Variants in SLC6A6 observed in about 807,000 individuals in gnomAD.
SLC6A6 encodes sodium- and chloride-dependent taurine transporter.
Under a neutral mutation model 68.8 loss-of-function variants are expected in SLC6A6, and 16 were observed. The observed-to-expected ratio is 0.23, with a 90% confidence interval of 0.16 to 0.35. The LOEUF is 0.35. Ranked by LOEUF, SLC6A6 falls within the 10% of genes least tolerant of loss-of-function variation. The pLI is 1.00. For missense variants in SLC6A6, 474 were observed against 802.8 expected, an observed-to-expected ratio of 0.59 and a Z score of 4.95; for synonymous variants, 312 against 315.4, an observed-to-expected ratio of 0.99 and a Z score of 0.12.
chr3:14,426,971 C>G lies in SLC6A6; in HGVS notation c.-12+10518C>G, dbSNP rs1027034432. On this transcript the variant is annotated intron_variant, in intron 2 of 14. Coordinates refer to ENST00000622186, the MANE Select transcript of SLC6A6 (RefSeq NM_003043.6). ...AAGGAACCCCTCTCTGGCTTTAGTT[C>G]TGCTGCAGAGCGTTCTTATGTGGTG... Among the ~76,000 whole-genome samples the G allele has an allele frequency of 3.3e-5, 5 of 152,156 alleles. 1 individual carries two copies. Among genetic ancestry groups the G allele is most frequent in the Non-Finnish European group, 5.9e-5 (4 of 68,020 alleles).
At chr3:14,403,085 TG>T (rs1699024406) in intron 1 of SLC6A6, among the ~76,000 whole-genome samples, 11 of 23,778 alleles carry the variant, frequency 4.6e-4, no homozygotes, top group Admixed American at 1.1e-3. Context: ...AGAGTGTGTG[TG>T]TGTGTGTGTG....
In SLC6A6 at chr3:14,468,674, G is replaced by A. The variant is rs755608136; in HGVS notation, c.1096+462G>A. Among the ~76,000 whole-genome samples, 17 of 152,292 alleles carry A rather than the reference G, an allele frequency of 1.1e-4. No individual in the cohort carries two copies. The highest frequency in any genetic ancestry group is 6.2e-4 in the South Asian group (3 of 4,828). On this transcript the variant is annotated intron_variant, in intron 9 of 14. Transcript: ENST00000622186. This position sits in a 1 kb window ranked among gnomAD's most constrained non-coding sequence, Gnocchi z 4.5. Reference sequence around the variant, plus strand: ...CATTCATCCATCCCACCGATTTCTCGTGAATGAGTCCCAACTCTGTGTCAG... The same window carrying A: ...CATTCATCCATCCCACCGATTTCTCATGAATGAGTCCCAACTCTGTGTCAG...
intron 11 of SLC6A6, 111 bp from the exon 12 acceptor site, chr3:14,478,355 C>T: frequency 4.3e-6 from 3 of 699,004 alleles, no homozygotes; most frequent in African/African-American, 1.8e-5. Flanking sequence ...AGTCTTTGTC[C>T]ATTTTTCTCT....
intron 5 of SLC6A6, among the ~76,000 whole-genome samples, chr3:14,448,533 GCA>G (rs975758135): frequency 6.6e-6 from 1 of 152,178 alleles, no homozygotes; most frequent in African/African-American, 2.4e-5. Context: ...CACTAAGCAA[GCA>G]CTCTAGGAAC....
chr3:14,473,845 G>GGTT (rs1172289797), intron 10 of SLC6A6, among the ~76,000 whole-genome samples: 1 of 152,184 alleles, frequency 6.6e-6, no homozygotes, highest in Non-Finnish European at 1.5e-5. Context: ...CAAAAACAGA[G>GGTT]GTTAATAAAT....
chr3:14,442,909 A>G (rs980151533), intron 2 of SLC6A6, among the ~76,000 whole-genome samples: 6 of 152,224 alleles, frequency 3.9e-5, no homozygotes, highest in African/African-American at 1.4e-4. Flanking sequence ...GAACAAGCAC[A>G]CTTGCATAAT....
At chr3:14,412,132 G>A (rs183332383) in intron 1 of SLC6A6, among the ~76,000 whole-genome samples, 277 of 152,298 alleles carry the variant, frequency 1.8e-3, no homozygotes, top group Non-Finnish European at 2.5e-3. Context: ...GTGGAAGCGC[G>A]TGCCACCACA....
chr3:14,408,445 C>A (rs1699159173), intron 1 of SLC6A6, among the ~76,000 whole-genome samples: 1 of 151,946 alleles, frequency 6.6e-6, no homozygotes, highest in Admixed American at 6.6e-5. Context: ...AGCGATTCTC[C>A]TGCCTCAGCC....
intron 1 of SLC6A6, among the ~76,000 whole-genome samples, chr3:14,407,373 C>T (rs1184190817): frequency 1.3e-5 from 2 of 152,136 alleles, no homozygotes; most frequent in Non-Finnish European, 2.9e-5. Context: ...GATTCTGTTA[C>T]GGTTTGATGA....
At position 14,407,211 on chromosome 3, in the gene SLC6A6, G is replaced by C. The variant is rs913095479; in HGVS notation, c.-54+4364G>C. On this transcript the variant is annotated intron_variant, in intron 1 of 14. Transcript: ENST00000622186. ...ACTACAGGCATGCACCACCACTCCA[G>C]GCTAATTTTTGTATTTTTTGTACGG... Among the ~76,000 whole-genome samples the C allele has an allele frequency of 1.1e-4, 16 of 151,916 alleles. 2 individuals are homozygous for C. The highest frequency in any genetic ancestry group is 7.9e-4 in the Admixed American group (12 of 15,246).
intron 2 of SLC6A6, among the ~76,000 whole-genome samples, chr3:14,428,075 G>A (rs1320955159): frequency 6.6e-6 from 1 of 152,164 alleles, no homozygotes. Context: ...CAGATCCCCA[G>A]GGACCCACCA....
chr3:14,445,015 G>A (rs923859632), intron 3 of SLC6A6: 8 of 365,684 alleles, frequency 2.2e-5, no homozygotes, highest in African/African-American at 4.3e-5. Flanking sequence ...GGGGAGGGTA[G>A]GTGAAGGCCC....
At chr3:14,436,974 C>T (rs1670897131) in intron 2 of SLC6A6, among the ~76,000 whole-genome samples, 1 of 152,162 alleles carries the variant, frequency 6.6e-6, no homozygotes, top group African/African-American at 2.4e-5. Context: ...TCATTTGATC[C>T]ATAGCAGCTA....
intron 2 of SLC6A6, among the ~76,000 whole-genome samples, chr3:14,437,994 A>ATTTTTTTTTT (rs34038422): frequency 8.5e-5 from 10 of 118,310 alleles, no homozygotes; most frequent in East Asian, 2.3e-4. Flanking sequence ...CATCTGGCTA[A>ATTTTTTTTTT]TTTTTTTTTT....
intron 1 of SLC6A6, among the ~76,000 whole-genome samples, chr3:14,411,893 A>G (rs1699259658): frequency 6.6e-6 from 1 of 152,220 alleles, no homozygotes; most frequent in Non-Finnish European, 1.5e-5. Flanking sequence ...TGGCAGGGCT[A>G]TGGACGTCAG....
intron 10 of SLC6A6, among the ~76,000 whole-genome samples, chr3:14,476,786 T>A (rs1700888059): frequency 6.6e-6 from 1 of 152,152 alleles, no homozygotes; most frequent in Non-Finnish European, 1.5e-5. Flanking sequence ...AGGATGGAGA[T>A]CAGTGAGGGA....
At chr3:14,475,551 C>T (rs1305618287) in intron 10 of SLC6A6, among the ~76,000 whole-genome samples, 3 of 152,196 alleles carry the variant, frequency 2.0e-5, no homozygotes, top group Non-Finnish European at 4.4e-5. Flanking sequence ...AAGCCAATCA[C>T]ACAGCTGTTA....
At position 14,472,150 on chromosome 3, in the gene SLC6A6, C is replaced by A; in HGVS notation, c.1097-55C>A. The stretch of plus-strand genomic sequence containing the variant: ...TGTGTGAGCCCAGGGTTCCCAGTGG[C>A]TTGGTGGCTGATGTCTCCTCCCCTG... On this transcript the variant is annotated intron_variant, in intron 9 of 14. Transcript: ENST00000622186. The surrounding 1 kb of genome is among the most constrained non-coding windows in gnomAD (Gnocchi z 4.5). 1 of 1,083,246 alleles carries A rather than the reference C, an allele frequency of 9.2e-7. No homozygotes were observed. Among genetic ancestry groups the A allele is most frequent in the Non-Finnish European group, 1.4e-6 (1 of 701,170 alleles). The allele number at this position is 1,083,246 out of a possible 1,614,324, so 67.1% of individuals were successfully genotyped here.
rs569723636 is a variant in SLC6A6, at chr3:14,485,533, A to G, written c.*526A>G. On this transcript the variant is annotated 3_prime_UTR_variant, in exon 15 of 15. Transcript: ENST00000622186. Reference sequence around the variant, plus strand: ...GTATACCTTCCAAATCCTGGTTCAGATGGAAGAAATAGCAGGAGAGAGGAC... The same window carrying G: ...GTATACCTTCCAAATCCTGGTTCAGGTGGAAGAAATAGCAGGAGAGAGGAC... 4.6e-5 allele frequency: 7 copies of G among 152,808 alleles called. No homozygotes were observed. In the East Asian group the frequency reaches 1.4e-3, roughly 30 times the overall value. 9.5% of individuals were successfully genotyped at this position (152,808 alleles called of 1,614,324 possible).
Sources: allele counts gnomAD v4.1 joint callset (sites outside exome capture counted in the v4.1 genomes callset), GRCh38; gene constraint gnomAD v4.1.1; non-coding constraint Gnocchi (gnomAD v3.1); transcripts MANE v1.5; gene names NCBI Gene and HGNC (gene_info 2026-07-23, HGNC 2026-07-21).